The following INTS13 variants were observed in gnomAD, a reference collection of about 807,000 sequenced individuals.
INTS13 encodes integrator complex subunit 13, also known as asunder, spermatogenesis regulator homolog (Drosphila).
A neutral mutation model predicts 90.2 loss-of-function variants in INTS13; 35 were observed. That is an observed-to-expected ratio of 0.39 (90% confidence interval 0.30 to 0.51). The LOEUF (loss-of-function observed/expected upper bound fraction) is 0.51, where lower values mean the gene tolerates loss of function less well. Among genes scored for constraint, INTS13 ranks in the 20% least tolerant of loss-of-function variants. INTS13 has a pLI of 0.80. For missense variants in INTS13, 601 were observed against 851.2 expected, an observed-to-expected ratio of 0.71 and a Z score of 3.66; for synonymous variants, 309 against 277.1, an observed-to-expected ratio of 1.11 and a Z score of -1.14.
chr12:26,914,280 T>A, intron 12 of INTS13, 128 bp downstream of exon 12: 4 of 1,203,688 alleles, frequency 3.3e-6, no homozygotes, highest in Non-Finnish European at 4.5e-6. Context: ...ATTAATTCTT[T>A]AACTTTAGCA....
At chr12:26,933,370 C>CT (rs1565837956) in intron 3 of INTS13, among the ~76,000 whole-genome samples, 1 of 152,110 alleles carries the variant, frequency 6.6e-6, no homozygotes, top group Non-Finnish European at 1.5e-5. Flanking sequence ...TGAGAACAGA[C>CT]CAACACCAAG....
At chr12:26,925,640 G>C in intron 6 of INTS13, 121 bp downstream of exon 6, 1 of 838,440 alleles carries the variant, frequency 1.2e-6, no homozygotes, top group Non-Finnish European at 1.8e-6. Context: ...GGTTTACTTT[G>C]AAAACTCAAA....
In INTS13 at chr12:26,916,117, C is replaced by T. The variant is rs1306176399; in HGVS notation, c.1133G>A (p.Ser378Asn). The T allele has an allele frequency of 1.2e-6, 2 of 1,613,898 alleles. No individual in the cohort carries two copies. The highest frequency in any genetic ancestry group is 3.3e-5 in the Admixed American group (2 of 60,020). Residue 378 changes from serine (S) to asparagine (N), a missense_variant, in exon 11 of 17, where the codon AGT becomes AAT. Transcript: ENST00000261191. ...CAAAAAAATCTCTCCTCCATGGCTACTAAGCATATGACTAATGACTTTAGA... is the reference window on the plus strand; with the variant it reads ...CAAAAAAATCTCTCCTCCATGGCTATTAAGCATATGACTAATGACTTTAGA... ...SGSKVISHML[S>N]SHGGEIFLHV...
rs148835650 is a variant in INTS13 at position 26,914,597 on chromosome 12, G to A, written c.1249-19C>T. On this transcript the variant is annotated intron_variant, in intron 11 of 16. Transcript: ENST00000261191. ...CAAAATCCTAATGATAACCAAATAA[G>A]ATAAAATTAGAAACTATGTCTAATG... 0.016 allele frequency: 25,897 copies of A among 1,570,050 alleles called. 276 individuals carry two copies. The highest frequency in any genetic ancestry group is 0.035 in the Middle Eastern group (209 of 5,952).
At chr12:26,924,603 A>G in intron 6 of INTS13, 120 bp from the exon 7 acceptor site, 2 of 1,090,198 alleles carry the variant, frequency 1.8e-6, no homozygotes, top group South Asian at 1.7e-5. Context: ...GAAGTTGGAA[A>G]AAAAGGATCC....
intron 8 of INTS13, among the ~76,000 whole-genome samples, chr12:26,918,881 G>T (rs1952022244): frequency 6.6e-6 from 1 of 152,184 alleles, no homozygotes; most frequent in East Asian, 1.9e-4. Flanking sequence ...ATTAAGTAAA[G>T]AAATGGAACA....
chr12:26,928,735 T>C lies in INTS13; in HGVS notation c.471A>G (p.Arg157=), dbSNP rs767213034. The part of the protein sequence containing the change: ...LMENAERVGN[R]GRIICITNAK... Reference sequence around the variant, plus strand: ...CATTAGTAATACAGATTATTCGTCCTCTATTTCCAACACGTTCTGCATTCT... The same window carrying C: ...CATTAGTAATACAGATTATTCGTCCCCTATTTCCAACACGTTCTGCATTCT... Residue 157 remains arginine, a synonymous_variant, in exon 4 of 17, where the codon AGA becomes AGG. Coordinates refer to ENST00000261191, the MANE Select transcript of INTS13 (RefSeq NM_018164.3). The C allele has an allele frequency of 6.2e-7, 1 of 1,614,144 alleles. No homozygotes were observed. The highest frequency in any genetic ancestry group is 1.3e-5 in the African/African-American group (1 of 75,048).
chr12:26,911,288 T>C lies in INTS13; in HGVS notation c.1835A>G (p.Glu612Gly). 1.2e-6 allele frequency: 2 copies of C among 1,613,500 alleles called. No individual in the cohort carries two copies. The highest frequency in any genetic ancestry group is 1.7e-6 in the Non-Finnish European group (2 of 1,179,764). The change falls in exon 15 of 17, where the codon GAA becomes GGA. Residue 612 changes from glutamate to glycine, a missense_variant. Physicochemically the swap from Glu to Gly is moderately conservative, Grantham distance 98. This residue lies in a region of INTS13 where 228 missense variants were observed against 272.5 expected (regional missense o/e 0.84). Transcript: ENST00000261191. Reference protein sequence around the residue: ...RLKGILERGKEELAEAEIIKD... With the variant: ...RLKGILERGKGELAEAEIIKD... ...TATAATCTCAGCTTCAGCCAATTCT[T>C]CTTTTCCACGCTCTAAGATTCCTTT... is the stretch of plus-strand genomic sequence containing the variant.
Position 26,913,633 on chromosome 12 carries a change from A to C in INTS13, c.1629T>G (p.His543Gln). The change falls in exon 14 of 17, where the codon CAT becomes CAG. Residue 543 changes from histidine (H) to glutamine (Q), a missense_variant. His to Gln is a conservative substitution (Grantham distance 24). Coordinates refer to ENST00000261191, the MANE Select transcript of INTS13 (RefSeq NM_018164.3). ...TTTGATGTTTCTCTGAGTTGTTGAT[A>C]TGGGCTCTGACAAGGGTTTCTAATT... ...WNELETLVRAHINNSEKHQRV... is the reference protein window; with the variant it reads ...WNELETLVRAQINNSEKHQRV... 6.2e-7 allele frequency: 1 copy of C among 1,614,082 alleles called. No homozygotes were observed. Among genetic ancestry groups the C allele is most frequent in the Non-Finnish European group, 8.5e-7 (1 of 1,180,028 alleles).
At chr12:26,912,436 C>CA (rs1163704995) in intron 14 of INTS13, among the ~76,000 whole-genome samples, 1 of 151,838 alleles carries the variant, frequency 6.6e-6, no homozygotes, top group Non-Finnish European at 1.5e-5. Context: ...GACTCTGTCT[C>CA]AAAAAAATAA....
chr12:26,918,069 C>G (rs1440592545), intron 8 of INTS13, among the ~76,000 whole-genome samples: 1 of 152,116 alleles, frequency 6.6e-6, no homozygotes, highest in East Asian at 1.9e-4. Context: ...TTGCGGTGAG[C>G]TGCGATCACG....
chr12:26,911,135 T>C, intron 15 of INTS13, 43 bp downstream of exon 15: 1 of 1,580,688 alleles, frequency 6.3e-7, no homozygotes, highest in South Asian at 1.2e-5. Context: ...ACACCCGGCC[T>C]GGAAAACTTT....
In INTS13 at chr12:26,905,323, T is replaced by C; in HGVS notation, c.*174A>G. The C allele has an allele frequency of 1.7e-6, 1 of 575,456 alleles. No individual in the cohort carries two copies. Among genetic ancestry groups the C allele is most frequent in the Non-Finnish European group, 3.0e-6 (1 of 338,272 alleles). The allele number at this position is 575,456 out of a possible 1,614,324, so 35.6% of individuals were successfully genotyped here. Reference sequence around the variant, plus strand: ...GGACAAATCATCTCAAATGTATATTTTTGAATTATGTGCCAATTTTATAAT... The same window carrying C: ...GGACAAATCATCTCAAATGTATATTCTTGAATTATGTGCCAATTTTATAAT... On this transcript the variant is annotated 3_prime_UTR_variant, in exon 17 of 17. Transcript: ENST00000261191.
chr12:26,929,470 C>T (rs1027236456), intron 3 of INTS13, among the ~76,000 whole-genome samples: 5 of 151,692 alleles, frequency 3.3e-5, no homozygotes, highest in African/African-American at 1.2e-4. Flanking sequence ...CCTGTAATCC[C>T]AGTACTTTGG....
chr12:26,908,064 G>GA (rs1951662519), intron 15 of INTS13, among the ~76,000 whole-genome samples: 1 of 152,104 alleles, frequency 6.6e-6, no homozygotes, highest in African/African-American at 2.4e-5. Flanking sequence ...AATACTATGT[G>GA]AAAAAAGCCA....
Position 26,913,656 on chromosome 12 carries a change from A to G in INTS13, c.1606T>C (p.Leu536=). ...DEQYRIMWNE[L]ETLVRAHINN... ...ATATGGGCTCTGACAAGGGTTTCTA[A>G]TTCATTCCACATGATACGGTATTGT... The change falls in exon 14 of 17, where the codon TTA becomes CTA. Residue 536 remains leucine, a synonymous_variant. Transcript: ENST00000261191. 1 of 1,613,830 alleles carries G rather than the reference A, an allele frequency of 6.2e-7. No homozygotes were observed. The highest frequency in any genetic ancestry group is 2.2e-5 in the East Asian group (1 of 44,874).
chr12:26,928,164 TC>T, intron 5 of INTS13, 40 bp downstream of exon 5: 1 of 1,387,430 alleles, frequency 7.2e-7, no homozygotes. Flanking sequence ...CATATATCTA[TC>T]CACATGAACA....
At chr12:26,916,282 C>G in intron 10 of INTS13, 102 bp from the exon 11 acceptor site, 1 of 1,088,496 alleles carries the variant, frequency 9.2e-7, no homozygotes, top group Non-Finnish European at 1.3e-6. Flanking sequence ...TTTATTGATC[C>G]CCGTATTTTA....
intron 7 of INTS13, among the ~76,000 whole-genome samples, chr12:26,923,207 AAAAAACACAAAGATTGAAGAG>A (rs1937681000): frequency 6.6e-6 from 1 of 152,148 alleles, no homozygotes; most frequent in Non-Finnish European, 1.5e-5. Context: ...TCTGTTTACC[AAAAAACACAAAGATTGAAGAG>A]TCACACCAGT....
Sources: gnomAD v4.1 joint callset for allele counts (sites outside exome capture counted in the v4.1 genomes callset) on GRCh38, gnomAD v4.1.1 for gene constraint, gnomAD v4.1.1 regional missense constraint, MANE v1.5 for transcripts, NCBI Gene and HGNC (gene_info 2026-07-23, HGNC 2026-07-21) for gene names.